Variants in EPHA3 observed in about 807,000 individuals in gnomAD.
The protein encoded by EPHA3 is ephrin type-A receptor 3.
Under a neutral mutation model 107.1 loss-of-function variants are expected in EPHA3, and 42 were observed. The ratio of observed to expected loss-of-function variants is 0.39; its 90% confidence interval spans 0.31 to 0.51. The LOEUF (loss-of-function observed/expected upper bound fraction) is 0.51, where lower values mean the gene tolerates loss of function less well. EPHA3 is among the 20% of genes least tolerant of loss of function. The pLI is 0.78. For synonymous variants in EPHA3, 461 were observed against 424.8 expected (o/e 1.09, Z -1.05); for missense variants, 1,183 against 1,211.2 (o/e 0.98, Z 0.35).
intron 11 of EPHA3, among the ~76,000 whole-genome samples, chr3:89,422,277 T>C (rs143869063): frequency 6.6e-6 from 1 of 150,656 alleles, no homozygotes; most frequent in East Asian, 2.0e-4. Flanking sequence ...CTACTGCTAT[T>C]ATTGTCTTTG....
At chr3:89,237,376 A>C (rs1301187762) in intron 3 of EPHA3, among the ~76,000 whole-genome samples, 2 of 151,546 alleles carry the variant, frequency 1.3e-5, no homozygotes, top group Non-Finnish European at 3.0e-5. Context: ...GACTCAAAAC[A>C]AAACAAAACA....
chr3:89,429,177 A>G lies in EPHA3; in HGVS notation c.2136+10A>G, dbSNP rs1240962804. The G allele has an allele frequency of 6.3e-7, 1 of 1,596,532 alleles. No individual in the cohort carries two copies. The highest frequency in any genetic ancestry group is 8.6e-7 in the Non-Finnish European group (1 of 1,165,080). ...GGATAGTTTCCTACGTGTAAGTAAG[A>G]TGCACACACATACATATATATGAAT... is the stretch of plus-strand genomic sequence containing the variant. On this transcript the variant is annotated intron_variant, in intron 12 of 16. Transcript: ENST00000336596.
chr3:89,335,982 C>G (rs1410567738), intron 3 of EPHA3, among the ~76,000 whole-genome samples: 1 of 152,164 alleles, frequency 6.6e-6, no homozygotes, highest in Non-Finnish European at 1.5e-5. Context: ...TAGCTGGTCT[C>G]CACTACAGAC....
intron 11 of EPHA3, among the ~76,000 whole-genome samples, chr3:89,425,734 T>C (rs964753681): frequency 2.2e-4 from 34 of 151,584 alleles, no homozygotes; most frequent in African/African-American, 8.2e-4. Flanking sequence ...TATATGCGTA[T>C]GTATGTGTAT....
chr3:89,474,949 C>T (rs1039761347), intron 16 of EPHA3, among the ~76,000 whole-genome samples: 6 of 152,140 alleles, frequency 3.9e-5, no homozygotes, highest in African/African-American at 1.4e-4. Context: ...TTGTCCTGCA[C>T]ACTGAGTCAG....
chr3:89,321,139 C>G (rs1329984921), intron 3 of EPHA3, among the ~76,000 whole-genome samples: 1 of 151,962 alleles, frequency 6.6e-6, no homozygotes, highest in Non-Finnish European at 1.5e-5. Context: ...CCTTGTTAAA[C>G]TGACCCAGGA....
At chr3:89,344,018 T>G (rs151235609) in intron 5 of EPHA3, among the ~76,000 whole-genome samples, 1,804 of 152,222 alleles carry the variant, frequency 0.012, 33 homozygotes, top group African/African-American at 0.041. Context: ...ACACAGGAAT[T>G]TTAACAAATT....
chr3:89,214,110 T>G (rs1704171168), intron 3 of EPHA3, among the ~76,000 whole-genome samples: 3 of 152,140 alleles, frequency 2.0e-5, no homozygotes, highest in South Asian at 2.1e-4. Flanking sequence ...CCAAAAAAAT[T>G]TCTGCACTTG....
chr3:89,317,742 T>A lies in EPHA3; in HGVS notation c.815-23174T>A, dbSNP rs147106194. On this transcript the variant is annotated intron_variant, in intron 3 of 16. Transcript: ENST00000336596. ...ATTCTATCCATTCAATATATAAAAG[T>A]TAGCCTAGACACTTTTATGGAATAT... Among the ~76,000 whole-genome samples, 767 of 151,900 alleles carry A rather than the reference T, an allele frequency of 5.0e-3. 3 individuals carry two copies. Among genetic ancestry groups the A allele is most frequent in the African/African-American group, 0.018 (735 of 41,488 alleles).
At position 89,449,359 on chromosome 3, in the gene EPHA3, G is replaced by A. The variant is rs374248537; in HGVS notation, c.2481G>A (p.Glu827=). ...VMSYGERPYW[E]MSNQDVIKAV... ...CTTATGGAGAGAGACCATACTGGGA[G>A]ATGTCCAATCAGGATGTAAGTATTT... Residue 827 remains glutamate, a synonymous_variant, in exon 14 of 17, where the codon GAG becomes GAA. Coordinates refer to ENST00000336596, the MANE Select transcript of EPHA3 (RefSeq NM_005233.6). 1 of 1,591,060 alleles carries A rather than the reference G, an allele frequency of 6.3e-7. No individual in the cohort carries two copies. Among genetic ancestry groups the A allele is most frequent in the Non-Finnish European group, 8.6e-7 (1 of 1,164,700 alleles).
At chr3:89,439,548 A>G (rs979062590) in intron 13 of EPHA3, among the ~76,000 whole-genome samples, 1 of 152,158 alleles carries the variant, frequency 6.6e-6, no homozygotes, top group Non-Finnish European at 1.5e-5. Flanking sequence ...CTAATTTACC[A>G]TCGCTTCTTC....
At position 89,470,776 on chromosome 3, in the gene EPHA3, G is replaced by A. The variant is rs1408067100; in HGVS notation, c.2691-1688G>A. 7.2e-5 allele frequency among the ~76,000 whole-genome samples: 11 copies of A among 152,204 alleles called. No individual in the cohort carries two copies. In the South Asian group the frequency reaches 8.3e-4, roughly 11 times the overall value. ...AATGTGGACTGTGGTATAGAATAAT[G>A]TGGGTCTAAAGGCCAGCTCTGCCTC... On this transcript the variant is annotated intron_variant, in intron 15 of 16. Transcript: ENST00000336596.
At chr3:89,400,701 C>T (rs1464667393) in intron 7 of EPHA3, among the ~76,000 whole-genome samples, 1 of 151,924 alleles carries the variant, frequency 6.6e-6, no homozygotes, top group East Asian at 1.9e-4. Flanking sequence ...TAATATATCC[C>T]ACACTGGTTA....
chr3:89,252,502 A>AT (rs1433936738), intron 3 of EPHA3, among the ~76,000 whole-genome samples: 1 of 152,066 alleles, frequency 6.6e-6, no homozygotes, highest in Non-Finnish European at 1.5e-5. Context: ...CTTTAGGAGG[A>AT]TGAGGATCTC....
intron 2 of EPHA3, among the ~76,000 whole-genome samples, chr3:89,161,241 A>G (rs1661279820): frequency 6.6e-6 from 1 of 152,200 alleles, no homozygotes; most frequent in Non-Finnish European, 1.5e-5. Flanking sequence ...TTGAATGGGT[A>G]ACACATTCAC....
At position 89,454,483 on chromosome 3, in the gene EPHA3, A is replaced by C. The variant is rs552304430; in HGVS notation, c.2690+4113A>C. Among the ~76,000 whole-genome samples the C allele has an allele frequency of 2.2e-4, 33 of 151,812 alleles. No homozygotes were observed. In the East Asian group the frequency reaches 6.4e-3, roughly 29 times the overall value. On this transcript the variant is annotated intron_variant, in intron 15 of 16. Transcript: ENST00000336596. ...ATCTCTATCCCTTTTCACTGAAAAC[A>C]CTCTCCTCATGGCTGTTTCGTCTTC...
chr3:89,227,816 C>T (rs1483361427), intron 3 of EPHA3, among the ~76,000 whole-genome samples: 1 of 151,834 alleles, frequency 6.6e-6, no homozygotes, highest in Non-Finnish European at 1.5e-5. Context: ...TGTAACGTTC[C>T]ATGTCCAAGA....
intron 15 of EPHA3, among the ~76,000 whole-genome samples, chr3:89,467,872 G>T (rs781571455): frequency 1.3e-5 from 2 of 152,200 alleles, no homozygotes; most frequent in Non-Finnish European, 2.9e-5. Context: ...AGCTGTAAAA[G>T]ATCAGGTGGA....
chr3:89,400,637 G>A (rs895602657), intron 7 of EPHA3, among the ~76,000 whole-genome samples: 11 of 89,310 alleles, frequency 1.2e-4, no homozygotes, highest in Admixed American at 9.8e-4. Context: ...GTGTGTGAGC[G>A]TGTGTGTGTG....
Sources: gnomAD v4.1 joint callset for allele counts (sites outside exome capture counted in the v4.1 genomes callset) on GRCh38, gnomAD v4.1.1 for gene constraint, MANE v1.5 for transcripts, NCBI Gene and HGNC (gene_info 2026-07-23, HGNC 2026-07-21) for gene names.